The following NRDC variants were observed in gnomAD, a reference collection of about 807,000 sequenced individuals.
The protein encoded by NRDC is nardilysin convertase, also known as nardilysin.
A neutral mutation model predicts 147.1 loss-of-function variants in NRDC; 54 were observed. That is an observed-to-expected ratio of 0.37 (90% confidence interval 0.29 to 0.46). NRDC has a LOEUF of 0.46. NRDC is among the 20% of genes least tolerant of loss of function. The pLI is 1.00. For synonymous variants in NRDC, 440 were observed against 482.1 expected (o/e 0.91, Z 1.14); for missense variants, 1,082 against 1,370.6 (o/e 0.79, Z 3.33).
chr1:51,807,719 T>A (rs1679533733), intron 17 of NRDC, among the ~76,000 whole-genome samples: 1 of 151,236 alleles, frequency 6.6e-6, no homozygotes, highest in African/African-American at 2.4e-5. Flanking sequence ...AAAACCAAAA[T>A]AATAAGCTAA....
At chr1:51,875,276 A>G (rs1004833568) in intron 1 of NRDC, among the ~76,000 whole-genome samples, 12 of 152,238 alleles carry the variant, frequency 7.9e-5, no homozygotes, top group Admixed American at 2.6e-4. Context: ...AACAGGTAAT[A>G]TGGAAGAACT....
chr1:51,821,699 AATGG>A, intron 7 of NRDC, 144 bp from the exon 8 acceptor site: 1 of 608,878 alleles, frequency 1.6e-6, no homozygotes, highest in East Asian at 2.8e-5. Flanking sequence ...CTGAACCAGT[AATGG>A]ATGAACAGGA....
At chr1:51,836,057 T>C in intron 3 of NRDC, 74 bp downstream of exon 3, 1 of 1,114,834 alleles carries the variant, frequency 9.0e-7, no homozygotes, top group East Asian at 2.4e-5. Context: ...CACTTGCTAA[T>C]CTTTGATATC....
intron 1 of NRDC, among the ~76,000 whole-genome samples, chr1:51,845,074 T>C (rs1239014112): frequency 1.3e-5 from 2 of 152,172 alleles, no homozygotes; most frequent in Admixed American, 6.5e-5. Flanking sequence ...GCCTATACAA[T>C]GCTCAACATA....
chr1:51,863,159 T>C (rs972687763), intron 1 of NRDC, among the ~76,000 whole-genome samples: 6 of 151,730 alleles, frequency 4.0e-5, no homozygotes, highest in African/African-American at 1.2e-4. Flanking sequence ...CCCAGCACTT[T>C]GGGAGGCCAA....
intron 2 of NRDC, among the ~76,000 whole-genome samples, chr1:51,837,282 T>C (rs542946284): frequency 6.6e-6 from 1 of 152,330 alleles, no homozygotes; most frequent in Non-Finnish European, 1.5e-5. Context: ...AAAAAGAGCT[T>C]TTCAAAAATA....
intron 10 of NRDC, among the ~76,000 whole-genome samples, chr1:51,817,215 G>C (rs1330669517): frequency 6.6e-6 from 1 of 152,112 alleles, no homozygotes; most frequent in Non-Finnish European, 1.5e-5. Context: ...ATACAACCTT[G>C]TTTAAAATAT....
Position 51,854,964 on chromosome 1 carries a change from T to C in NRDC, c.342-14450A>G, listed in dbSNP as rs148149941. On this transcript the variant is annotated intron_variant, in intron 1 of 30. Transcript: ENST00000352171. ...CCCTTCTTTGTTCTAAATTTCTTTC[T>C]GAGGGGCCTGGAGAAGGTTATACCC... Among the ~76,000 whole-genome samples the C allele has an allele frequency of 1.8e-3, 274 of 152,318 alleles. 1 individual carries two copies. Among genetic ancestry groups the C allele is most frequent in the African/African-American group, 6.3e-3 (261 of 41,566 alleles).
chr1:51,827,755 G>A, intron 5 of NRDC, 41 bp downstream of exon 5: 1 of 1,499,832 alleles, frequency 6.7e-7, no homozygotes. Flanking sequence ...CTGGTTTCAT[G>A]AAGGAAAAAA....
chr1:51,811,796 C>T (rs562470783), intron 15 of NRDC, among the ~76,000 whole-genome samples, 198 bp downstream of exon 15: 1 of 152,176 alleles, frequency 6.6e-6, no homozygotes, highest in Admixed American at 6.5e-5. Context: ...TGATTTTCTC[C>T]TTATATTAAA....
At chr1:51,828,582 T>C (rs1219055795) in intron 4 of NRDC, among the ~76,000 whole-genome samples, 3 of 152,150 alleles carry the variant, frequency 2.0e-5, no homozygotes, top group African/African-American at 7.2e-5. Context: ...AAATTACATA[T>C]ACAAATTACC....
At chr1:51,866,705 A>C (rs78310171) in intron 1 of NRDC, among the ~76,000 whole-genome samples, 102 of 152,216 alleles carry the variant, frequency 6.7e-4, no homozygotes, top group African/African-American at 2.3e-3. Flanking sequence ...AAAAAAAAAA[A>C]AGATTATGAG....
chr1:51,842,845 T>A (rs923268794), intron 1 of NRDC, among the ~76,000 whole-genome samples: 2 of 151,724 alleles, frequency 1.3e-5, no homozygotes, highest in Admixed American at 1.3e-4. Context: ...GCAGGTAGAT[T>A]GCTGGAGTCC....
chr1:51,822,128 A>G (rs17106799), intron 7 of NRDC, among the ~76,000 whole-genome samples: 5,115 of 152,118 alleles, frequency 0.034, 280 homozygotes, highest in African/African-American at 0.12. Context: ...TTGGAAATTT[A>G]TAGTAAAAAA....
At chr1:51,808,470 C>T (rs565929247) in intron 17 of NRDC, among the ~76,000 whole-genome samples, 8 of 152,350 alleles carry the variant, frequency 5.3e-5, no homozygotes, top group African/African-American at 1.4e-4. Flanking sequence ...ATCAGTACTA[C>T]ACTTTTTATG....
At chr1:51,829,690 A>ATGCT (rs1246770497) in intron 4 of NRDC, among the ~76,000 whole-genome samples, 3 of 152,052 alleles carry the variant, frequency 2.0e-5, no homozygotes, top group Non-Finnish European at 4.4e-5. Flanking sequence ...TCTATCCTCT[A>ATGCT]TGCTTCATAT....
intron 4 of NRDC, among the ~76,000 whole-genome samples, chr1:51,831,460 G>T (rs1039108201): frequency 5.3e-5 from 8 of 152,168 alleles, no homozygotes; most frequent in African/African-American, 1.7e-4. Flanking sequence ...CAAGAGTAAA[G>T]ATGCAGTTTT....
chr1:51,834,746 C>T (rs1198742919), intron 3 of NRDC, among the ~76,000 whole-genome samples: 1 of 151,646 alleles, frequency 6.6e-6, no homozygotes, highest in African/African-American at 2.4e-5. Flanking sequence ...AAAGAGATCA[C>T]AAATATATTT....
At chr1:51,858,177 G>T (rs1033761006) in intron 1 of NRDC, among the ~76,000 whole-genome samples, 1 of 152,110 alleles carries the variant, frequency 6.6e-6, no homozygotes, top group Non-Finnish European at 1.5e-5. Context: ...TTTATTAAAA[G>T]ACTTCATAAA....
Sources: allele counts gnomAD v4.1 joint callset (sites outside exome capture counted in the v4.1 genomes callset), GRCh38; gene constraint gnomAD v4.1.1; transcripts MANE v1.5; gene names NCBI Gene and HGNC (gene_info 2026-07-23, HGNC 2026-07-21).